Variants in MB21D2 observed in about 807,000 individuals in gnomAD.
MB21D2 encodes the protein Mab-21 domain containing 2.
In MB21D2, 9 loss-of-function variants were observed where a neutral mutation model predicts 33.3. The observed-to-expected ratio is 0.27, with a 90% CI of 0.16 to 0.47. MB21D2 has a LOEUF of 0.47. MB21D2 is among the 20% of genes least tolerant of loss of function. The pLI is 0.99. For missense variants in MB21D2, 540 were observed against 624.6 expected (o/e 0.86, Z 1.44); for synonymous variants, 241 against 236.3 (o/e 1.02, Z -0.18).
intron 1 of MB21D2, among the ~76,000 whole-genome samples, chr3:192,877,417 T>G (rs961961137): frequency 2.0e-5 from 3 of 152,148 alleles, no homozygotes; most frequent in Non-Finnish European, 4.4e-5. Context: ...CAGAACCATT[T>G]CAAACTAGTT....
intron 1 of MB21D2, among the ~76,000 whole-genome samples, chr3:192,803,429 C>A (rs937925113): frequency 1.3e-5 from 2 of 152,104 alleles, no homozygotes; most frequent in African/African-American, 4.8e-5. Flanking sequence ...TTACTAAGCC[C>A]CTATAAGAAA....
rs370918281 is a variant in MB21D2, at chr3:192,878,739, G to A, written c.211+38891C>T. 1.5e-3 allele frequency among the ~76,000 whole-genome samples: 222 copies of A among 152,288 alleles called. 4 individuals carry two copies. In the South Asian group the frequency reaches 0.018, roughly 13 times the overall value. ...AGCACTTTGGGAGGCCAAGGCGAGC[G>A]GATCGCTTGAGGTCAGGATTTCGAG... On this transcript the variant is annotated intron_variant, in intron 1 of 1. Coordinates refer to ENST00000392452, the MANE Select transcript of MB21D2 (RefSeq NM_178496.4).
intron 1 of MB21D2, among the ~76,000 whole-genome samples, chr3:192,905,566 G>C (rs762153389): frequency 6.6e-6 from 1 of 150,566 alleles, no homozygotes; most frequent in Non-Finnish European, 1.5e-5. Flanking sequence ...GAACCCGGGA[G>C]GCAGAGGTTC....
At chr3:192,874,767 T>C (rs1291098549) in intron 1 of MB21D2, among the ~76,000 whole-genome samples, 2 of 152,166 alleles carry the variant, frequency 1.3e-5, no homozygotes, top group Admixed American at 6.5e-5. Flanking sequence ...AGAGAAAGAT[T>C]TGAGGAAGAC....
intron 1 of MB21D2, among the ~76,000 whole-genome samples, chr3:192,914,139 G>C (rs1294638385): frequency 6.6e-6 from 1 of 152,122 alleles, no homozygotes; most frequent in East Asian, 1.9e-4. Context: ...ATGTTTTAGA[G>C]TAAGGCTGAC....
chr3:192,885,805 C>T (rs908428445), intron 1 of MB21D2, among the ~76,000 whole-genome samples: 3 of 152,080 alleles, frequency 2.0e-5, no homozygotes, highest in African/African-American at 7.3e-5. Context: ...CAAAAATGAC[C>T]ATGGCCCACC....
intron 1 of MB21D2, among the ~76,000 whole-genome samples, chr3:192,872,446 A>ACC (rs1713327133): frequency 6.6e-6 from 1 of 150,764 alleles, no homozygotes; most frequent in South Asian, 2.1e-4. Flanking sequence ...CGTGGTGGCG[A>ACC]GCGCCTGTAG....
At chr3:192,879,649 C>T (rs6802710) in intron 1 of MB21D2, among the ~76,000 whole-genome samples, 1,998 of 152,298 alleles carry the variant, frequency 0.013, 51 homozygotes, top group African/African-American at 0.046. Context: ...AGGGGGTATC[C>T]GTTGGAGGCC....
intron 1 of MB21D2, among the ~76,000 whole-genome samples, chr3:192,824,395 C>G (rs1712123848): frequency 1.3e-5 from 2 of 151,628 alleles, no homozygotes; most frequent in Admixed American, 6.6e-5. Context: ...TGAGAGGAAG[C>G]TTCTAGAAGA....
At chr3:192,819,729 T>TC (rs1712004426) in intron 1 of MB21D2, among the ~76,000 whole-genome samples, 1 of 152,152 alleles carries the variant, frequency 6.6e-6, no homozygotes, top group Admixed American at 6.5e-5. Context: ...GGTCCCCAAG[T>TC]CCCCTCTCTA....
intron 1 of MB21D2, among the ~76,000 whole-genome samples, chr3:192,910,241 G>C (rs1040356824): frequency 9.1e-5 from 12 of 132,052 alleles, no homozygotes; most frequent in Non-Finnish European, 1.7e-4. Flanking sequence ...CAAGGTGGGA[G>C]AATCACTTGA....
intron 1 of MB21D2, among the ~76,000 whole-genome samples, chr3:192,808,249 A>G (rs1347541596): frequency 6.6e-6 from 1 of 152,212 alleles, no homozygotes; most frequent in Non-Finnish European, 1.5e-5. Context: ...CTGCATGAAC[A>G]GCTCCCACAC....
At position 192,798,853 on chromosome 3, in the gene MB21D2, G is replaced by A. The variant is rs1409835486; in HGVS notation, c.1009C>T (p.Leu337Phe). Reference protein sequence around the residue: ...ISPYHLRSMMLWACDRLPANY... With the variant: ...ISPYHLRSMMFWACDRLPANY... ...GCAGGAAGTCTGTCGCAGGCCCAGA[G>A]CATCATGCTCCGCAGGTGATAGGGG... Residue 337 changes from leucine to phenylalanine, a missense_variant, in exon 2 of 2, where the codon CTC becomes TTC. By Grantham distance (22) the Leu-to-Phe change is conservative. Coordinates refer to ENST00000392452, the MANE Select transcript of MB21D2 (RefSeq NM_178496.4). This position sits in a 1 kb window ranked among gnomAD's most constrained non-coding sequence, Gnocchi z 4.8. 3 of 1,612,624 alleles carry A rather than the reference G, an allele frequency of 1.9e-6. No homozygotes were observed. Among genetic ancestry groups the A allele is most frequent in the Non-Finnish European group, 2.5e-6 (3 of 1,179,670 alleles).
intron 1 of MB21D2, among the ~76,000 whole-genome samples, chr3:192,868,927 CG>C (rs2108636644): frequency 6.6e-6 from 1 of 152,274 alleles, no homozygotes; most frequent in South Asian, 2.1e-4. Flanking sequence ...TGCTACTAAC[CG>C]GAACTATGTC....
At chr3:192,914,241 T>C (rs778464124) in intron 1 of MB21D2, among the ~76,000 whole-genome samples, 34 of 152,186 alleles carry the variant, frequency 2.2e-4, no homozygotes, top group Non-Finnish European at 4.1e-4. Flanking sequence ...TCTTCATCTA[T>C]GTAATGGGAA....
chr3:192,828,021 C>T (rs912006211), intron 1 of MB21D2, among the ~76,000 whole-genome samples: 1 of 152,074 alleles, frequency 6.6e-6, no homozygotes, highest in East Asian at 1.9e-4. Context: ...AAACCCCTTT[C>T]GCTTGGCTCT....
intron 1 of MB21D2, among the ~76,000 whole-genome samples, chr3:192,863,050 AC>A (rs1468851559): frequency 6.6e-6 from 1 of 152,176 alleles, no homozygotes; most frequent in Non-Finnish European, 1.5e-5. Flanking sequence ...TCTTAATACT[AC>A]AGCACTGGGG....
rs530523438 is a variant in MB21D2, at chr3:192,864,341, C to T, written c.211+53289G>A. On this transcript the variant is annotated intron_variant, in intron 1 of 1. Transcript: ENST00000392452. ...GTGTGTGAACTGGTCCAGGAAACCC[C>T]GCAGGTGCTCAGACAGTCCTCTTTT... Among the ~76,000 whole-genome samples, 24 of 152,242 alleles carry T rather than the reference C, an allele frequency of 1.6e-4. No homozygotes were observed. In the East Asian group the frequency reaches 1.9e-3, roughly 12 times the overall value.
At chr3:192,915,495 G>A (rs1313108631) in intron 1 of MB21D2, among the ~76,000 whole-genome samples, 2 of 152,100 alleles carry the variant, frequency 1.3e-5, no homozygotes, top group African/African-American at 4.8e-5. Context: ...TTCGCCATCT[G>A]CCTTCTAGTG....
Sources: gnomAD v4.1 joint callset for allele counts (sites outside exome capture counted in the v4.1 genomes callset) on GRCh38, gnomAD v4.1.1 for gene constraint, Gnocchi (gnomAD v3.1) non-coding constraint, MANE v1.5 for transcripts, NCBI Gene and HGNC (gene_info 2026-07-23, HGNC 2026-07-21) for gene names.